Variants in IRAG2 observed in about 807,000 individuals in gnomAD.
The protein encoded by IRAG2 is inositol 1,4,5-triphosphate receptor associated 2.
Under a neutral mutation model 69.9 loss-of-function variants are expected in IRAG2, and 45 were observed. The observed-to-expected ratio is 0.64, with a 90% confidence interval of 0.51 to 0.83. The LOEUF is 0.83. IRAG2 is among the 40% of genes least tolerant of loss of function. The probability of loss-of-function intolerance (pLI) is 0.00; values close to 1 mark genes in which losing one functional copy is unlikely to be tolerated. For synonymous variants in IRAG2, 193 were observed against 202.4 expected (o/e 0.95, Z 0.40); for missense variants, 520 against 587.0 (o/e 0.89, Z 1.18).
intron 10 of IRAG2, chr12:25,030,894 G>A (rs1051417248): frequency 3.4e-6 from 1 of 293,418 alleles, no homozygotes; most frequent in Non-Finnish European, 5.1e-6. Flanking sequence ...ATTCATTTTA[G>A]GGTGGAAGAA....
intron 8 of IRAG2, among the ~76,000 whole-genome samples, chr12:25,025,758 G>A (rs747996428): frequency 2.0e-5 from 3 of 152,182 alleles, no homozygotes; most frequent in Non-Finnish European, 4.4e-5. Context: ...GTTTGGATCA[G>A]GAAATGCTTT....
At chr12:25,001,445 C>G (rs185345808), upstream of IRAG2, among the ~76,000 whole-genome samples, 1 of 151,074 alleles carries the variant, frequency 6.6e-6, no homozygotes, top group Non-Finnish European at 1.5e-5. Flanking sequence ...GACCCTGTCT[C>G]GAAAATAAAT....
At chr12:25,052,081 A>G (rs910299131), upstream of IRAG2, among the ~76,000 whole-genome samples, 13 of 152,240 alleles carry the variant, frequency 8.5e-5, no homozygotes, top group African/African-American at 3.1e-4. Context: ...TTTGTGAAGC[A>G]TTTATATGTA....
chr12:25,004,334 A>G (rs1944414732), upstream of IRAG2: 1 of 1,231,948 alleles, frequency 8.1e-7, no homozygotes, highest in African/African-American at 1.6e-5. Context: ...CTAGGAGGAA[A>G]GTCAACAATG....
At chr12:25,095,897 T>C (rs934019851) in intron 14 of IRAG2, among the ~76,000 whole-genome samples, 4 of 152,240 alleles carry the variant, frequency 2.6e-5, no homozygotes, top group Non-Finnish European at 1.5e-5. Flanking sequence ...TAACATCTGC[T>C]CTTTCCTTCC....
At chr12:25,051,147 A>G (rs976003688), upstream of IRAG2, among the ~76,000 whole-genome samples, 8 of 152,226 alleles carry the variant, frequency 5.3e-5, no homozygotes, top group African/African-American at 1.9e-4. Context: ...ACAGTTAAAG[A>G]AAAAGAGAGA....
intron 7 of IRAG2, 27 bp downstream of exon 7, chr12:25,079,317 AAT>A: frequency 6.2e-7 from 1 of 1,611,962 alleles, no homozygotes; most frequent in Non-Finnish European, 8.5e-7. Flanking sequence ...TGTGTGTGTG[AAT>A]TTGTATGCAT....
rs116103380 is a variant in IRAG2, at chr12:25,064,507, C to T, written c.-207+691C>T. On this transcript the variant is annotated intron_variant, in intron 4 of 21. Coordinates refer to ENST00000556887, the MANE Select transcript of IRAG2 (RefSeq NM_001366544.2). ...AATGCCAAGAGAAAGAGCTTTATTC[C>T]AAGAAGTGGTCAAAGTAGTGACACC... 9.4e-3 allele frequency among the ~76,000 whole-genome samples: 1,425 copies of T among 152,158 alleles called. 19 individuals carry two copies. The highest frequency in any genetic ancestry group is 0.033 in the African/African-American group (1,354 of 41,486).
At chr12:25,097,321 T>C (rs143821881) in intron 15 of IRAG2, 92 of 242,844 alleles carry the variant, frequency 3.8e-4, no homozygotes, top group South Asian at 1.8e-3. Flanking sequence ...TAATCCCTTA[T>C]ATAGTGTTAT....
chr12:25,077,446 ATAATT>A (rs1401192163), intron 6 of IRAG2, among the ~76,000 whole-genome samples: 2 of 146,150 alleles, frequency 1.4e-5, no homozygotes, highest in African/African-American at 5.0e-5. Context: ...AATTACTAAT[ATAATT>A]TATTTAAATA....
At chr12:25,063,994 T>C (rs1160467222) in intron 4 of IRAG2, among the ~76,000 whole-genome samples, 178 bp downstream of exon 4, 2 of 152,166 alleles carry the variant, frequency 1.3e-5, no homozygotes, top group Non-Finnish European at 2.9e-5. Flanking sequence ...AGGCAACATA[T>C]TATGCATGAT....
chr12:25,059,573 C>T (rs185970907), intron 1 of IRAG2, among the ~76,000 whole-genome samples: 43 of 152,186 alleles, frequency 2.8e-4, no homozygotes, highest in African/African-American at 8.9e-4. Context: ...AGGCTGGTCT[C>T]GAACTCCCGA....
intron 7 of IRAG2, chr12:25,020,964 T>G: frequency 1.2e-6 from 1 of 864,814 alleles, no homozygotes. Context: ...AACTGAAATA[T>G]ACAAGAGGAC....
At chr12:25,062,075 T>A (rs1299189638) in intron 2 of IRAG2, among the ~76,000 whole-genome samples, 1 of 152,230 alleles carries the variant, frequency 6.6e-6, no homozygotes, top group African/African-American at 2.4e-5. Context: ...AATTAAACTT[T>A]CTATTTCTTT....
At chr12:25,100,447 T>C (rs1203188758) in intron 15 of IRAG2, among the ~76,000 whole-genome samples, 1 of 152,196 alleles carries the variant, frequency 6.6e-6, no homozygotes, top group Non-Finnish European at 1.5e-5. Flanking sequence ...CAAATATTCA[T>C]AGGACTATGA....
At chr12:25,060,656 A>G (rs898873542) in intron 1 of IRAG2, among the ~76,000 whole-genome samples, 1 of 148,404 alleles carries the variant, frequency 6.7e-6, no homozygotes, top group African/African-American at 2.5e-5. Context: ...AATGACCTCT[A>G]AAATGTATTT....
chr12:25,005,019 T>C (rs116486083), intron 1 of IRAG2: 14 of 746,168 alleles, frequency 1.9e-5, no homozygotes, highest in Non-Finnish European at 2.6e-5. Context: ...AAAGTTTGGA[T>C]GGAATCATCC....
At chr12:25,028,027 G>T (rs1591930220) in intron 9 of IRAG2, among the ~76,000 whole-genome samples, 1 of 151,640 alleles carries the variant, frequency 6.6e-6, no homozygotes, top group African/African-American at 2.4e-5. Context: ...CAGGTTCAAG[G>T]GATCCTCCTG....
chr12:25,091,163 T>G, intron 14 of IRAG2: 1 of 173,024 alleles, frequency 5.8e-6, no homozygotes, highest in South Asian at 1.2e-4. Flanking sequence ...ACATAAAATT[T>G]ATCATCTTGA....
Sources: allele counts gnomAD v4.1 joint callset (sites outside exome capture counted in the v4.1 genomes callset), GRCh38; gene constraint gnomAD v4.1.1; transcripts MANE v1.5; gene names NCBI Gene and HGNC (gene_info 2026-07-23, HGNC 2026-07-21).